CS: variants seen among roughly 807,000 people sequenced by gnomAD.
The protein encoded by CS is citrate synthase, mitochondrial.
In CS, 13 loss-of-function variants were observed where a neutral mutation model predicts 61.4. The observed-to-expected ratio is 0.21, with a 90% CI of 0.14 to 0.34. The LOEUF (loss-of-function observed/expected upper bound fraction) is 0.34. CS is among the 10% of genes least tolerant of loss of function. CS has a pLI of 1.00. For synonymous variants in CS, 159 were observed against 215.2 expected (o/e 0.74, Z 2.29); for missense variants, 278 against 573.4 (o/e 0.48, Z 5.26).
intron 6 of CS, 73 bp from the exon 7 acceptor site, chr12:56,276,268 C>CT: frequency 6.9e-7 from 1 of 1,447,772 alleles, no homozygotes; most frequent in Non-Finnish European, 9.6e-7. Context: ...GGGATATCGT[C>CT]TGTCCTCCAT....
chr12:56,274,051 T>C (rs1872572860), intron 9 of CS: 2 of 476,590 alleles, frequency 4.2e-6, no homozygotes, highest in Non-Finnish European at 3.8e-6. Context: ...CGGTGGCTCA[T>C]GCCTGTAATC....
At chr12:56,281,859 G>A (rs754231215) in intron 6 of CS, among the ~76,000 whole-genome samples, 22 of 151,966 alleles carry the variant, frequency 1.4e-4, no homozygotes, top group Non-Finnish European at 2.9e-5. Flanking sequence ...GTTACAGCAA[G>A]ACTATGGAAT....
chr12:56,283,922 A>G, intron 3 of CS, 65 bp from the exon 4 acceptor site: 1 of 1,229,340 alleles, frequency 8.1e-7, no homozygotes, highest in Non-Finnish European at 1.2e-6. Context: ...AATGATTCAG[A>G]CTAGAACTTG....
chr12:56,273,882 G>C, intron 9 of CS, 86 bp from the exon 10 acceptor site: 1 of 1,142,416 alleles, frequency 8.8e-7, no homozygotes, highest in Admixed American at 1.8e-5. Flanking sequence ...CACCCAGGCT[G>C]GAGTGCAGTG....
At position 56,289,982 on chromosome 12, in the gene CS, C is replaced by T. The variant is rs575744892; in HGVS notation, c.43-3337G>A. Among the ~76,000 whole-genome samples, 18 of 152,104 alleles carry T rather than the reference C, an allele frequency of 1.2e-4. No individual in the cohort carries two copies. In the South Asian group the frequency reaches 3.5e-3, roughly 30 times the overall value. ...GATCTTGGCTCACTGCAACCTCCGCCTCCCAGGTTCAAGCGATTCTCCTGC... is the reference window on the plus strand; with the variant it reads ...GATCTTGGCTCACTGCAACCTCCGCTTCCCAGGTTCAAGCGATTCTCCTGC... On this transcript the variant is annotated intron_variant, in intron 1 of 10. Coordinates refer to ENST00000351328, the MANE Select transcript of CS (RefSeq NM_004077.3).
chr12:56,278,098 C>T (rs1872674823), intron 6 of CS, among the ~76,000 whole-genome samples: 1 of 152,110 alleles, frequency 6.6e-6, no homozygotes, highest in East Asian at 1.9e-4. Context: ...CCCATGTAGC[C>T]AAGAAGCGTT....
At chr12:56,286,862 T>C (rs977302169) in intron 1 of CS, among the ~76,000 whole-genome samples, 17 of 152,090 alleles carry the variant, frequency 1.1e-4, no homozygotes, top group African/African-American at 3.6e-4. Flanking sequence ...ATAGCTTCAC[T>C]AGCATTCCTT....
At chr12:56,283,082 A>C in intron 4 of CS, 91 bp from the exon 5 acceptor site, 2 of 1,406,820 alleles carry the variant, frequency 1.4e-6, no homozygotes, top group Non-Finnish European at 2.0e-6. Context: ...AACAAGTTAG[A>C]GTAGAACTTT....
chr12:56,300,303 GA>G lies in CS; in HGVS notation c.-103del. On this transcript the variant is annotated 5_prime_UTR_variant, in exon 1 of 11. Coordinates refer to ENST00000351328, the MANE Select transcript of CS (RefSeq NM_004077.3). The stretch of plus-strand genomic sequence containing the variant: ...GCACCAGAGGCCGCGCCGACGGGTT[GA>G]CAAGGTTGAAAGGAGGCGGCTGAAG... 1 of 1,293,212 alleles carries G rather than the reference GA, an allele frequency of 7.7e-7. No individual in the cohort carries two copies. The highest frequency in any genetic ancestry group is 2.8e-5 in the East Asian group (1 of 35,550). 80.1% of individuals were successfully genotyped at this position (1,293,212 alleles called of 1,614,324 possible).
At chr12:56,298,206 C>A (rs1307479373) in intron 1 of CS, among the ~76,000 whole-genome samples, 1 of 152,090 alleles carries the variant, frequency 6.6e-6, no homozygotes, top group African/African-American at 2.4e-5. Flanking sequence ...CCATGTTGGT[C>A]AGGCTGGTCT....
chr12:56,290,404 G>A (rs1242556948), intron 1 of CS, among the ~76,000 whole-genome samples: 3 of 151,568 alleles, frequency 2.0e-5, no homozygotes, highest in African/African-American at 7.3e-5. Context: ...GTAGAGATGG[G>A]GTTTCACTAT....
rs1403920136 is a variant in CS at position 56,300,321 on chromosome 12, C to T, written c.-120G>A. ...ACGGGTTGACAAGGTTGAAAGGAGG[C>T]GGCTGAAGGAAAGAGTAGACGAACC... On this transcript the variant is annotated 5_prime_UTR_variant, in exon 1 of 11. Transcript: ENST00000351328. The T allele has an allele frequency of 2.7e-6, 3 of 1,128,122 alleles. No homozygotes were observed. The highest frequency in any genetic ancestry group is 3.8e-6 in the Non-Finnish European group (3 of 796,396). The allele number at this position is 1,128,122 out of a possible 1,614,324, so 69.9% of individuals were successfully genotyped here.
At chr12:56,300,097 G>T in intron 1 of CS, 63 bp downstream of exon 1, 1 of 1,508,934 alleles carries the variant, frequency 6.6e-7, no homozygotes, top group Non-Finnish European at 8.9e-7. Context: ...CCCCGGCGCC[G>T]GAGGGCCTGC....
rs1264828623 is a variant in CS, at chr12:56,282,844, T to C, written c.399+16A>G. ...GAAGGGGAATGAGAAGAGCTAATAA[T>C]ATCCTTCTGCTTTACCTGTTCCTCT... is the stretch of plus-strand genomic sequence containing the variant. On this transcript the variant is annotated intron_variant, in intron 5 of 10. Transcript: ENST00000351328. 1 of 1,613,868 alleles carries C rather than the reference T, an allele frequency of 6.2e-7. No homozygotes were observed. Among genetic ancestry groups the C allele is most frequent in the Non-Finnish European group, 8.5e-7 (1 of 1,179,912 alleles).
intron 1 of CS, among the ~76,000 whole-genome samples, chr12:56,290,458 C>T (rs1451994187): frequency 6.6e-6 from 1 of 152,134 alleles, no homozygotes; most frequent in Admixed American, 6.6e-5. Flanking sequence ...TGATCCACCA[C>T]CTCGGCCTCC....
At chr12:56,283,297 G>T (rs1222072682) in intron 4 of CS, among the ~76,000 whole-genome samples, 2 of 152,078 alleles carry the variant, frequency 1.3e-5, no homozygotes, top group African/African-American at 4.8e-5. Context: ...AGGCTGGAGT[G>T]CAGTGGTGCG....
At chr12:56,283,413 TTG>T (rs1373561551) in intron 4 of CS, among the ~76,000 whole-genome samples, 2 of 152,048 alleles carry the variant, frequency 1.3e-5, no homozygotes, top group East Asian at 1.9e-4. Context: ...CCGGCTAATT[TTG>T]TGTGTTTTTA....
At chr12:56,281,882 G>A (rs1872786821) in intron 6 of CS, among the ~76,000 whole-genome samples, 2 of 151,726 alleles carry the variant, frequency 1.3e-5, no homozygotes, top group Non-Finnish European at 2.9e-5. Flanking sequence ...TTTTTTAGAT[G>A]GAGTCTCACT....
Position 56,275,139 on chromosome 12 carries a change from GA to G in CS, c.789-9del. ...TTGCCACCCTCATGGTCACTGTGGG[GA>G]AGTAAGAAGGGAGAGCCAAGGGAAG... On this transcript the variant is annotated splice_polypyrimidine_tract_variant and intron_variant, in intron 7 of 10. Coordinates refer to ENST00000351328, the MANE Select transcript of CS (RefSeq NM_004077.3). 6.2e-7 allele frequency: 1 copy of G among 1,614,074 alleles called. No homozygotes were observed.
Sources: allele counts gnomAD v4.1 joint callset (sites outside exome capture counted in the v4.1 genomes callset), GRCh38; gene constraint gnomAD v4.1.1; transcripts MANE v1.5; gene names NCBI Gene and HGNC (gene_info 2026-07-23, HGNC 2026-07-21).